MSRA: variants seen among roughly 807,000 people sequenced by gnomAD.
MSRA encodes methionine sulfoxide reductase A.
A neutral mutation model predicts 31.3 loss-of-function variants in MSRA; 54 were observed. The observed-to-expected ratio is 1.73, with a 90% CI of 1.39 to 2.17. The LOEUF (loss-of-function observed/expected upper bound fraction) is 2.17. Among genes scored for constraint, MSRA ranks in the 30% most tolerant of loss-of-function variants. The pLI is 0.00. For missense variants in MSRA, 507 were observed against 300.9 expected (o/e 1.69, Z -5.07); for synonymous variants, 169 against 116.5 (o/e 1.45, Z -2.90).
chr8:10,091,432 C>T (rs956333805), intron 1 of MSRA, among the ~76,000 whole-genome samples: 4 of 152,086 alleles, frequency 2.6e-5, no homozygotes, highest in African/African-American at 7.2e-5. Flanking sequence ...AATAGTATTC[C>T]GTTTACCATA....
chr8:10,163,270 C>G (rs1255664096), intron 1 of MSRA, among the ~76,000 whole-genome samples: 4 of 152,220 alleles, frequency 2.6e-5, no homozygotes, highest in Admixed American at 6.5e-5. Flanking sequence ...CCCGCCGACT[C>G]AGACCACGCT....
chr8:10,120,662 A>G (rs560384926), intron 1 of MSRA, among the ~76,000 whole-genome samples: 1 of 152,322 alleles, frequency 6.6e-6, no homozygotes, highest in South Asian at 2.1e-4. Context: ...GAGTTAGAAT[A>G]CAGTAGGGGA....
At chr8:10,058,803 AT>A in intron 1 of MSRA, among the ~76,000 whole-genome samples, 1 of 152,376 alleles carries the variant, frequency 6.6e-6, no homozygotes, top group South Asian at 2.1e-4. Context: ...ACCTTTAAAA[AT>A]AAATTCTACC....
intron 5 of MSRA, among the ~76,000 whole-genome samples, chr8:10,355,928 A>G (rs966042837): frequency 6.6e-6 from 1 of 152,122 alleles, no homozygotes; most frequent in Admixed American, 6.5e-5. Context: ...GGAAACTGGT[A>G]TTCAGTACTA....
chr8:10,299,127 T>C (rs1308973447), intron 3 of MSRA, among the ~76,000 whole-genome samples: 1 of 152,182 alleles, frequency 6.6e-6, no homozygotes, highest in Non-Finnish European at 1.5e-5. Context: ...ATTTATTTGC[T>C]TTCATTTTGA....
intron 1 of MSRA, among the ~76,000 whole-genome samples, chr8:10,154,984 T>G (rs1161601398): frequency 8.9e-6 from 1 of 112,142 alleles, no homozygotes; most frequent in East Asian, 3.6e-4. Context: ...TTTAATAGTT[T>G]GATAATGTGT....
intron 5 of MSRA, among the ~76,000 whole-genome samples, chr8:10,367,854 G>A (rs537492296): frequency 2.0e-4 from 31 of 152,320 alleles, no homozygotes; most frequent in South Asian, 1.5e-3. Context: ...AGGCGTTCTA[G>A]TTTGCCTGAG....
chr8:10,367,732 G>T (rs141275425), intron 5 of MSRA, among the ~76,000 whole-genome samples: 12 of 152,178 alleles, frequency 7.9e-5, no homozygotes, highest in African/African-American at 2.9e-4. Context: ...TGTCTCCGGC[G>T]CTGGCTGGAC....
chr8:10,324,444 C>T (rs1430406066), intron 5 of MSRA, among the ~76,000 whole-genome samples: 3 of 152,078 alleles, frequency 2.0e-5, no homozygotes, highest in Non-Finnish European at 2.9e-5. Context: ...CATGGGACGG[C>T]CACGGAACAT....
chr8:10,382,826 G>T (rs1349977812), intron 5 of MSRA, among the ~76,000 whole-genome samples: 1 of 152,218 alleles, frequency 6.6e-6, no homozygotes, highest in Non-Finnish European at 1.5e-5. Context: ...TGGTGTTGCA[G>T]CTTGAAATCA....
chr8:10,324,925 G>C (rs1394035916), intron 5 of MSRA, among the ~76,000 whole-genome samples: 1 of 152,224 alleles, frequency 6.6e-6, no homozygotes, highest in Non-Finnish European at 1.5e-5. Context: ...TGTGAGCTCA[G>C]GGTACTGTGT....
At chr8:10,184,933 G>C (rs1343355800) in intron 1 of MSRA, among the ~76,000 whole-genome samples, 1 of 152,230 alleles carries the variant, frequency 6.6e-6, no homozygotes, top group Non-Finnish European at 1.5e-5. Flanking sequence ...CAAAGGGAGA[G>C]AAAGTAAATG....
At chr8:10,206,258 A>G (rs1438459112) in intron 1 of MSRA, among the ~76,000 whole-genome samples, 6 of 152,200 alleles carry the variant, frequency 3.9e-5, no homozygotes, top group Non-Finnish European at 1.5e-5. Context: ...AGATCAGTGA[A>G]TGCTTGACAG....
intron 1 of MSRA, among the ~76,000 whole-genome samples, chr8:10,077,588 G>T (rs1281883157): frequency 1.4e-5 from 2 of 146,360 alleles, no homozygotes; most frequent in African/African-American, 5.0e-5. Flanking sequence ...CTCTCTGAGT[G>T]TTGGAATTAC....
At chr8:10,223,639 T>C (rs995995078) in intron 2 of MSRA, among the ~76,000 whole-genome samples, 1 of 152,120 alleles carries the variant, frequency 6.6e-6, no homozygotes, top group Non-Finnish European at 1.5e-5. Flanking sequence ...GTAATGTATG[T>C]GCAATTGGAG....
intron 1 of MSRA, among the ~76,000 whole-genome samples, chr8:10,150,958 G>A (rs1469269179): frequency 6.6e-6 from 1 of 152,078 alleles, no homozygotes; most frequent in East Asian, 1.9e-4. Context: ...GACACCACTG[G>A]TGGTATTGAT....
intron 5 of MSRA, among the ~76,000 whole-genome samples, chr8:10,321,673 G>GA (rs1169931235): frequency 6.6e-6 from 1 of 152,208 alleles, no homozygotes; most frequent in Non-Finnish European, 1.5e-5. Flanking sequence ...CTCGTATTGT[G>GA]AAAACTCTCT....
Position 10,095,983 on chromosome 8 carries a change from A to G in MSRA, c.142+41325A>G, listed in dbSNP as rs562642616. On this transcript the variant is annotated intron_variant, in intron 1 of 5. Transcript: ENST00000317173. The stretch of plus-strand genomic sequence containing the variant: ...ATTTTCTACAAAATAAAGTTTGTTC[A>G]TCAATACAAACCTGCTTTCAAATCA... 16 of 1,407,808 alleles carry G rather than the reference A, an allele frequency of 1.1e-5. No individual in the cohort carries two copies. In the South Asian group the frequency reaches 2.5e-4, roughly 22 times the overall value. 87.2% of individuals were successfully genotyped at this position (1,407,808 alleles called of 1,614,324 possible).
At chr8:10,283,642 CT>C (rs1416563411) in intron 3 of MSRA, among the ~76,000 whole-genome samples, 1 of 151,192 alleles carries the variant, frequency 6.6e-6, no homozygotes, top group Middle Eastern at 3.2e-3. Context: ...ATTCTTATGC[CT>C]TTGCATCCTC....
Sources: allele counts gnomAD v4.1 joint callset (sites outside exome capture counted in the v4.1 genomes callset), GRCh38; gene constraint gnomAD v4.1.1; transcripts MANE v1.5; gene names NCBI Gene and HGNC (gene_info 2026-07-23, HGNC 2026-07-21).